Variants in FLT1 observed in about 807,000 individuals in gnomAD.
FLT1 encodes the protein fms related receptor tyrosine kinase 1, also known as vascular endothelial growth factor receptor 1.
A neutral mutation model predicts 156.3 loss-of-function variants in FLT1; 49 were observed. That is an observed-to-expected ratio of 0.31 (90% CI 0.25 to 0.40). FLT1 has a LOEUF of 0.40. FLT1 is among the 10% of genes least tolerant of loss of function. The pLI, the probability that FLT1 is intolerant of heterozygous loss-of-function variation, is 1.00. For missense variants in FLT1, 1,322 were observed against 1,637.2 expected (o/e 0.81, Z 3.32); for synonymous variants, 594 against 583.8 (o/e 1.02, Z -0.25).
chr13:28,310,155 G>A (rs1870937748), intron 27 of FLT1, among the ~76,000 whole-genome samples: 1 of 152,116 alleles, frequency 6.6e-6, no homozygotes, highest in South Asian at 2.1e-4. Context: ...CTCCCAGAGT[G>A]CTGGGATTAC....
At chr13:28,476,262 T>A (rs556908358) in intron 1 of FLT1, among the ~76,000 whole-genome samples, 13 of 152,280 alleles carry the variant, frequency 8.5e-5, no homozygotes, top group African/African-American at 2.9e-4. Context: ...TTTAATTACA[T>A]TTTTCATTCA....
At chr13:28,388,828 A>G in intron 13 of FLT1, 2 of 1,061,760 alleles carry the variant, frequency 1.9e-6, no homozygotes, top group Non-Finnish European at 2.3e-6. Context: ...TCATTTTAAC[A>G]TGATGAAGTT....
At chr13:28,453,321 C>T (rs1441259112) in intron 3 of FLT1, among the ~76,000 whole-genome samples, 1 of 151,888 alleles carries the variant, frequency 6.6e-6, no homozygotes, top group Non-Finnish European at 1.5e-5. Flanking sequence ...TGGGGTTTCA[C>T]CATGTTGGTC....
intron 14 of FLT1, among the ~76,000 whole-genome samples, chr13:28,382,718 C>T (rs1163028024): frequency 1.3e-5 from 2 of 152,092 alleles, no homozygotes; most frequent in Non-Finnish European, 2.9e-5. Flanking sequence ...GTAATCTGCT[C>T]AGTCTGGTGA....
At chr13:28,396,079 C>T (rs899709383) in intron 12 of FLT1, among the ~76,000 whole-genome samples, 6 of 152,224 alleles carry the variant, frequency 3.9e-5, no homozygotes, top group African/African-American at 1.4e-4. Context: ...CCTGACAGCC[C>T]TGACGTTCTA....
intron 13 of FLT1, chr13:28,387,338 G>A (rs1196191000): frequency 5.7e-6 from 6 of 1,047,010 alleles, no homozygotes; most frequent in Non-Finnish European, 6.9e-6. Flanking sequence ...ATCATATTTT[G>A]TCAATTCTTA....
intron 1 of FLT1, 44 bp from the exon 2 acceptor site, chr13:28,467,661 C>T: frequency 9.1e-7 from 1 of 1,096,864 alleles, no homozygotes; most frequent in Admixed American, 2.1e-5. Context: ...AAATTGTCTT[C>T]TTACCTTTTT....
chr13:28,458,839 A>G lies in FLT1; in HGVS notation c.388+8064T>C, dbSNP rs1879408996. 2.0e-5 allele frequency among the ~76,000 whole-genome samples: 3 copies of G among 152,324 alleles called. No individual in the cohort carries two copies. The South Asian group carries it at 6.2e-4, about 32-fold the overall frequency. ...ATGTGGTCCTAATCAGCTGTCTGCC[A>G]GTGATGGATAGAATGAATAATCTCC... On this transcript the variant is annotated intron_variant, in intron 3 of 29. Coordinates refer to ENST00000282397, the MANE Select transcript of FLT1 (RefSeq NM_002019.4).
At chr13:28,463,226 G>A (rs1343459985) in intron 3 of FLT1, among the ~76,000 whole-genome samples, 1 of 152,130 alleles carries the variant, frequency 6.6e-6, no homozygotes. Context: ...AATACATTAT[G>A]CTAGAGGTTT....
chr13:28,394,701 T>C (rs1002846257), intron 12 of FLT1, among the ~76,000 whole-genome samples: 3 of 152,186 alleles, frequency 2.0e-5, no homozygotes, highest in Admixed American at 6.5e-5. Flanking sequence ...GTCGCAGCTC[T>C]GTTCTGGTCG....
chr13:28,347,251 G>C (rs941667500), intron 15 of FLT1, among the ~76,000 whole-genome samples: 1 of 151,490 alleles, frequency 6.6e-6, no homozygotes, highest in African/African-American at 2.4e-5. Flanking sequence ...GGCCAAGTGC[G>C]ATGGCACACG....
intron 10 of FLT1, among the ~76,000 whole-genome samples, chr13:28,412,347 T>TC (rs1876285168): frequency 1.7e-5 from 1 of 60,080 alleles, no homozygotes; most frequent in Non-Finnish European, 3.8e-5. Flanking sequence ...TCTTTCTTTC[T>TC]TTCTCTTTCT....
chr13:28,307,107 T>A (rs1238751539), intron 28 of FLT1, among the ~76,000 whole-genome samples: 1 of 152,238 alleles, frequency 6.6e-6, no homozygotes, highest in East Asian at 1.9e-4. Context: ...ATTTGGCAGA[T>A]CACGATTGAC....
intron 25 of FLT1, among the ~76,000 whole-genome samples, chr13:28,315,383 C>A (rs914549686): frequency 1.3e-5 from 2 of 152,144 alleles, no homozygotes; most frequent in Non-Finnish European, 2.9e-5. Flanking sequence ...GGAGAAACCC[C>A]ATCTCTACAA....
rs993607668 is a variant in FLT1 at position 28,317,729 on chromosome 13, C to T, written c.3287-132G>A. The T allele has an allele frequency of 8.5e-6, 6 of 704,158 alleles. No homozygotes were observed. In the African/African-American group the frequency reaches 1.0e-4, roughly 12 times the overall value. The allele number at this position is 704,158 out of a possible 1,614,324, so 43.6% of individuals were successfully genotyped here. A position where few individuals can be genotyped will look rare whatever the true frequency, so the allele number is the denominator to read the frequency against. ...AGTAATAAATTCCCAGGGATTACAA[C>T]AGATCTCAACATACCGTACAACACA... On this transcript the variant is annotated intron_variant, in intron 24 of 29. Coordinates refer to ENST00000282397, the MANE Select transcript of FLT1 (RefSeq NM_002019.4).
chr13:28,440,925 C>CCCT (rs1593795779), intron 3 of FLT1, among the ~76,000 whole-genome samples: 1 of 152,044 alleles, frequency 6.6e-6, no homozygotes, highest in Admixed American at 6.5e-5. Context: ...AGGAGAGTGC[C>CCCT]CCTCCTCCCA....
intron 10 of FLT1, among the ~76,000 whole-genome samples, 157 bp downstream of exon 10, chr13:28,427,002 A>C (rs1162704107): frequency 6.6e-6 from 1 of 152,214 alleles, no homozygotes; most frequent in Non-Finnish European, 1.5e-5. Context: ...AAGAAAGAAG[A>C]GTAGCTGTTG....
chr13:28,340,136 A>G (rs1872273526), intron 16 of FLT1, among the ~76,000 whole-genome samples: 1 of 151,520 alleles, frequency 6.6e-6, no homozygotes, highest in Admixed American at 6.6e-5. Flanking sequence ...AGCTGCTTGA[A>G]CCCAGGAGGT....
At position 28,311,496 on chromosome 13, in the gene FLT1, TTC is replaced by T. The variant is rs535154481; in HGVS notation, c.3635+92_3635+93del. 1.2e-3 allele frequency: 1,298 copies of T among 1,090,058 alleles called. 3 individuals are homozygous for T. The highest frequency in any genetic ancestry group is 1.5e-3 in the Non-Finnish European group (1,136 of 743,106). 67.5% of individuals were successfully genotyped at this position (1,090,058 alleles called of 1,614,324 possible). On this transcript the variant is annotated intron_variant, in intron 27 of 29. Coordinates refer to ENST00000282397, the MANE Select transcript of FLT1 (RefSeq NM_002019.4). ...TCTCTTTCTTTCTTTCTCTCTTTCT[TTC>T]TCTCTTTCGTCTTTCTTTCTCTTTC...
Sources: allele counts gnomAD v4.1 joint callset (sites outside exome capture counted in the v4.1 genomes callset), GRCh38; gene constraint gnomAD v4.1.1; transcripts MANE v1.5; gene names NCBI Gene and HGNC (gene_info 2026-07-23, HGNC 2026-07-21).